SLC35F3: variants seen among roughly 807,000 people sequenced by gnomAD.
SLC35F3 encodes solute carrier family 35 member F3.
A neutral mutation model predicts 49.9 loss-of-function variants in SLC35F3; 25 were observed. The ratio of observed to expected loss-of-function variants is 0.50; its 90% CI spans 0.37 to 0.70. SLC35F3 has a LOEUF of 0.70. SLC35F3 is among the 30% of genes least tolerant of loss of function. The pLI, the probability that SLC35F3 is intolerant of heterozygous loss-of-function variation, is 0.00. For missense variants in SLC35F3, 525 were observed against 639.8 expected (o/e 0.82, Z 1.94); for synonymous variants, 275 against 265.4 (o/e 1.04, Z -0.35).
intron 2 of SLC35F3, among the ~76,000 whole-genome samples, chr1:234,110,910 G>A (rs1665396269): frequency 6.6e-6 from 1 of 152,156 alleles, no homozygotes; most frequent in African/African-American, 2.4e-5. Context: ...TCCACATTAT[G>A]GAATTGTGTA....
intron 3 of SLC35F3, among the ~76,000 whole-genome samples, chr1:234,267,652 T>C (rs866203878): frequency 0.024 from 3,578 of 151,148 alleles, 60 homozygotes; most frequent in Middle Eastern, 0.065. Flanking sequence ...CCCACCTCCC[T>C]CCCGGACGGG....
intron 2 of SLC35F3, among the ~76,000 whole-genome samples, chr1:234,183,030 T>C (rs1462496632): frequency 7.0e-6 from 1 of 143,118 alleles, no homozygotes; most frequent in African/African-American, 2.4e-5. Context: ...TGTTTGTTTG[T>C]TTTTGAGATG....
chr1:234,202,659 T>G (rs1404854361), intron 2 of SLC35F3, among the ~76,000 whole-genome samples: 1 of 152,230 alleles, frequency 6.6e-6, no homozygotes, highest in African/African-American at 2.4e-5. Flanking sequence ...GCCCTCCGCA[T>G]TTCAAGCAGC....
chr1:234,140,002 A>AATAATAAAAAAAT, intron 2 of SLC35F3, among the ~76,000 whole-genome samples: 1 of 105,368 alleles, frequency 9.5e-6, no homozygotes, highest in Non-Finnish European at 2.4e-5. Flanking sequence ...AATAAAATAA[A>AATAATAAAAAAAT]GTAAGTGACT....
At chr1:234,245,987 T>C (rs1484742391) in intron 3 of SLC35F3, among the ~76,000 whole-genome samples, 1 of 152,074 alleles carries the variant, frequency 6.6e-6, no homozygotes, top group Non-Finnish European at 1.5e-5. Context: ...GAGGGGGACA[T>C]CAACTTTGCC....
intron 2 of SLC35F3, among the ~76,000 whole-genome samples, chr1:234,040,482 G>T (rs903554350): frequency 6.6e-6 from 1 of 152,192 alleles, no homozygotes; most frequent in Non-Finnish European, 1.5e-5. Flanking sequence ...GCCCCTGTCT[G>T]CCTAGAGTTT....
intron 2 of SLC35F3, chr1:234,026,846 C>T (rs944642095): frequency 6.6e-6 from 1 of 152,230 alleles, no homozygotes; most frequent in Non-Finnish European, 1.5e-5. Context: ...GAAGGTGCCA[C>T]CATTTTCTCA....
At chr1:234,009,895 GA>G (rs1457245479) in intron 2 of SLC35F3, among the ~76,000 whole-genome samples, 1 of 152,116 alleles carries the variant, frequency 6.6e-6, no homozygotes, top group Non-Finnish European at 1.5e-5. Flanking sequence ...TACTTTACCT[GA>G]CAAAACTGTC....
In SLC35F3 at chr1:234,075,798, AG is replaced by A. The variant is rs75015281; in HGVS notation, c.284-155617del. Among the ~76,000 whole-genome samples, 2,482 of 151,756 alleles carry A rather than the reference AG, an allele frequency of 0.016. 273 individuals are homozygous for A. In the East Asian group the frequency reaches 0.31, roughly 19 times the overall value. ...TCCTAAGCAGGTAGCTACAGATAAAAGGTTAAACAACACCACAGGTAGCTAC... is the reference window on the plus strand; with the variant it reads ...TCCTAAGCAGGTAGCTACAGATAAAAGTTAAACAACACCACAGGTAGCTAC... On this transcript the variant is annotated intron_variant, in intron 2 of 7. Transcript: ENST00000366618.
chr1:233,926,226 GT>G (rs1662158027), intron 2 of SLC35F3, among the ~76,000 whole-genome samples: 1 of 152,146 alleles, frequency 6.6e-6, no homozygotes, highest in Non-Finnish European at 1.5e-5. Flanking sequence ...CCTGAAGAGT[GT>G]TTTCCAACTC....
intron 2 of SLC35F3, among the ~76,000 whole-genome samples, chr1:233,922,486 C>CTTTTTTTTTTTTT (rs35271789): frequency 3.6e-5 from 4 of 112,338 alleles, no homozygotes; most frequent in East Asian, 2.6e-4. Flanking sequence ...TTTTGATGGC[C>CTTTTTTTTTTTTT]TTTTTTTTTT....
At chr1:233,906,562 T>G (rs1266974435) in intron 2 of SLC35F3, among the ~76,000 whole-genome samples, 2 of 152,224 alleles carry the variant, frequency 1.3e-5, no homozygotes, top group South Asian at 2.1e-4. Flanking sequence ...TCACTGTAGT[T>G]TGACATAAGA....
chr1:234,122,442 C>A (rs534844934), intron 2 of SLC35F3, among the ~76,000 whole-genome samples: 21 of 152,280 alleles, frequency 1.4e-4, no homozygotes, highest in African/African-American at 5.1e-4. Flanking sequence ...CAAATGGCAT[C>A]ATATTTGGGG....
chr1:234,211,595 A>G (rs1667047587), intron 2 of SLC35F3, among the ~76,000 whole-genome samples: 1 of 152,126 alleles, frequency 6.6e-6, no homozygotes, highest in Non-Finnish European at 1.5e-5. Flanking sequence ...TAGATTTTGG[A>G]CTTGCATGAG....
At chr1:234,303,183 A>C (rs1668720254) in intron 3 of SLC35F3, among the ~76,000 whole-genome samples, 1 of 152,194 alleles carries the variant, frequency 6.6e-6, no homozygotes, top group African/African-American at 2.4e-5. Flanking sequence ...TATATTGTTC[A>C]CTGACTCTGC....
chr1:234,209,841 A>G (rs78476776), intron 2 of SLC35F3, among the ~76,000 whole-genome samples: 1 of 151,554 alleles, frequency 6.6e-6, no homozygotes, highest in Admixed American at 6.6e-5. Flanking sequence ...GCTGCATGTG[A>G]AAAAAAAAGG....
chr1:234,015,329 C>T (rs572578704), intron 2 of SLC35F3, among the ~76,000 whole-genome samples: 2 of 138,726 alleles, frequency 1.4e-5, no homozygotes, highest in Admixed American at 7.5e-5. Context: ...GCCTGGGCGA[C>T]AGAGCAAGAC....
At chr1:234,063,459 G>T (rs1427045467) in intron 2 of SLC35F3, among the ~76,000 whole-genome samples, 1 of 152,158 alleles carries the variant, frequency 6.6e-6, no homozygotes, top group Non-Finnish European at 1.5e-5. Flanking sequence ...AGGTGCTGGG[G>T]TGATTACCCC....
chr1:234,285,403 T>C (rs1269008491), intron 3 of SLC35F3: 3 of 462,096 alleles, frequency 6.5e-6, no homozygotes, highest in South Asian at 1.5e-5. Context: ...GAATTAATCC[T>C]TGAAGAAAAT....
Sources: gnomAD v4.1 joint callset for allele counts (sites outside exome capture counted in the v4.1 genomes callset) on GRCh38, gnomAD v4.1.1 for gene constraint, MANE v1.5 for transcripts, NCBI Gene and HGNC (gene_info 2026-07-23, HGNC 2026-07-21) for gene names.